Variants in TANC2 observed in about 807,000 individuals in gnomAD.
The protein encoded by TANC2 is tetratricopeptide repeat, ankyrin repeat and coiled-coil containing 2.
Under a neutral mutation model 210.5 loss-of-function variants are expected in TANC2, and 26 were observed. That is an observed-to-expected ratio of 0.12 (90% CI 0.09 to 0.17). TANC2 has a LOEUF of 0.17. TANC2 is among the 10% of genes least tolerant of loss of function. The pLI is 1.00. For missense variants in TANC2, 2,129 were observed against 2,608.9 expected (o/e 0.82, Z 4.01); for synonymous variants, 931 against 967.1 (o/e 0.96, Z 0.69).
chr17:63,414,688 T>C (rs2048806197), intron 25 of TANC2, among the ~76,000 whole-genome samples: 1 of 152,200 alleles, frequency 6.6e-6, no homozygotes, highest in African/African-American at 2.4e-5. Context: ...TGAATGGTGC[T>C]AAGGGAAAAG....
At chr17:63,084,019 T>C (rs2036871024) in intron 3 of TANC2, among the ~76,000 whole-genome samples, 1 of 152,228 alleles carries the variant, frequency 6.6e-6, no homozygotes, top group Non-Finnish European at 1.5e-5. Flanking sequence ...GAAGTAGTCC[T>C]TCTGCTTCTA....
At chr17:63,083,245 C>A (rs2036843859) in intron 3 of TANC2, among the ~76,000 whole-genome samples, 1 of 152,188 alleles carries the variant, frequency 6.6e-6, no homozygotes, top group South Asian at 2.1e-4. Context: ...CTTCCTGTAG[C>A]TGTGTCTTCA....
At chr17:63,195,429 C>G (rs528842308) in intron 6 of TANC2, among the ~76,000 whole-genome samples, 13 of 152,286 alleles carry the variant, frequency 8.5e-5, no homozygotes, top group African/African-American at 3.1e-4. Flanking sequence ...TTCACTCTTT[C>G]AGCAAATCGT....
intron 7 of TANC2, among the ~76,000 whole-genome samples, chr17:63,220,079 G>C (rs917823272): frequency 1.3e-5 from 2 of 152,192 alleles, no homozygotes; most frequent in East Asian, 3.9e-4. Flanking sequence ...TGGATCACCG[G>C]AGGTCAGGCA....
intron 6 of TANC2, among the ~76,000 whole-genome samples, chr17:63,198,838 A>G (rs2041433951): frequency 1.3e-5 from 2 of 152,146 alleles, no homozygotes; most frequent in Admixed American, 6.5e-5. Context: ...AAAAATAGAG[A>G]TTTTAAAAAA....
intron 11 of TANC2, among the ~76,000 whole-genome samples, chr17:63,336,838 CTGCTGATTTATTA>C (rs1455595297): frequency 2.0e-5 from 3 of 152,086 alleles, no homozygotes; most frequent in Non-Finnish European, 4.4e-5. Context: ...AAGGTTTTAC[CTGCTGATTTATTA>C]TGAGTAGACT....
intron 7 of TANC2, among the ~76,000 whole-genome samples, chr17:63,208,718 A>G (rs1225139209): frequency 6.6e-6 from 1 of 152,108 alleles, no homozygotes; most frequent in African/African-American, 2.4e-5. Flanking sequence ...ATTTTTCAAT[A>G]GGGTCTGGTA....
intron 7 of TANC2, among the ~76,000 whole-genome samples, chr17:63,221,562 T>C (rs1314197684): frequency 6.6e-6 from 1 of 152,130 alleles, no homozygotes; most frequent in Non-Finnish European, 1.5e-5. Flanking sequence ...CCTCACAGCT[T>C]AATATAAAGG....
chr17:62,988,752 A>G (rs2032704743), intron 1 of TANC2, among the ~76,000 whole-genome samples: 1 of 152,216 alleles, frequency 6.6e-6, no homozygotes, highest in South Asian at 2.1e-4. Context: ...CTCACCGAGT[A>G]TGATTTTAGA....
intron 9 of TANC2, among the ~76,000 whole-genome samples, chr17:63,278,927 G>T (rs537014432): frequency 6.6e-6 from 1 of 152,266 alleles, no homozygotes; most frequent in South Asian, 2.1e-4. Context: ...AATAGTGGTT[G>T]CCAGGAGCTG....
intron 1 of TANC2, among the ~76,000 whole-genome samples, chr17:62,971,318 C>T (rs2031680698): frequency 6.6e-6 from 1 of 152,124 alleles, no homozygotes; most frequent in African/African-American, 2.4e-5. Flanking sequence ...TCTCCTGCTG[C>T]CCTTCGCTTT....
intron 5 of TANC2, among the ~76,000 whole-genome samples, chr17:63,187,573 G>A (rs139750826): frequency 3.3e-5 from 5 of 152,000 alleles, no homozygotes; most frequent in Admixed American, 6.5e-5. Flanking sequence ...ATACATATAT[G>A]TGTGTGTTTG....
At chr17:63,293,853 C>T (rs1357273906) in intron 9 of TANC2, among the ~76,000 whole-genome samples, 1 of 151,830 alleles carries the variant, frequency 6.6e-6, no homozygotes, top group Non-Finnish European at 1.5e-5. Context: ...TATCCTCCCA[C>T]CTCAGGCTCG....
intron 1 of TANC2, among the ~76,000 whole-genome samples, chr17:63,002,306 G>A (rs2033422209): frequency 6.6e-6 from 1 of 152,154 alleles, no homozygotes; most frequent in Admixed American, 6.5e-5. Flanking sequence ...AAGTGGGGGA[G>A]CATCTCCAAG....
chr17:63,266,780 T>TC (rs2043542269), intron 8 of TANC2, among the ~76,000 whole-genome samples: 1 of 152,188 alleles, frequency 6.6e-6, no homozygotes, highest in Non-Finnish European at 1.5e-5. Flanking sequence ...GGGTTTTTTT[T>TC]CCCTCTCACC....
At chr17:63,413,658 T>TA in intron 25 of TANC2, 24 bp downstream of exon 25, 1 of 1,564,212 alleles carries the variant, frequency 6.4e-7, no homozygotes, top group Non-Finnish European at 8.7e-7. Flanking sequence ...GGGACACAGT[T>TA]TCTTCAGAAC....
At chr17:63,033,285 G>A (rs939484261) in intron 2 of TANC2, among the ~76,000 whole-genome samples, 3 of 152,236 alleles carry the variant, frequency 2.0e-5, no homozygotes, top group South Asian at 2.1e-4. Flanking sequence ...CCAGAAGTTG[G>A]GGTGGGTGGA....
At chr17:63,184,207 A>G (rs1358192659) in intron 5 of TANC2, among the ~76,000 whole-genome samples, 1 of 152,214 alleles carries the variant, frequency 6.6e-6, no homozygotes, top group East Asian at 1.9e-4. Flanking sequence ...CTAAATGTTT[A>G]GAGTAGTAAG....
chr17:63,325,373 C>T (rs1035620740), intron 11 of TANC2, among the ~76,000 whole-genome samples: 8 of 152,166 alleles, frequency 5.3e-5, no homozygotes, highest in Middle Eastern at 6.8e-3. Context: ...TACTTTTTTC[C>T]CCTGCCTGGA....
Sources: allele counts gnomAD v4.1 joint callset (sites outside exome capture counted in the v4.1 genomes callset), GRCh38; gene constraint gnomAD v4.1.1; transcripts MANE v1.5; gene names NCBI Gene and HGNC (gene_info 2026-07-23, HGNC 2026-07-21).